Variants in IMPG1 observed in about 807,000 individuals in gnomAD.
IMPG1 encodes the protein interphotoreceptor matrix proteoglycan of 150 kDa.
Under a neutral mutation model 92.0 loss-of-function variants are expected in IMPG1, and 85 were observed. The ratio of observed to expected loss-of-function variants is 0.92; its 90% CI spans 0.78 to 1.11. The LOEUF is 1.11. Among genes scored for constraint, IMPG1 ranks in the 50% least tolerant of loss-of-function variants. The pLI, the probability that IMPG1 is intolerant of heterozygous loss-of-function variation, is 0.00. For synonymous variants in IMPG1, 367 were observed against 334.1 expected (o/e 1.10, Z -1.08); for missense variants, 1,022 against 956.0 (o/e 1.07, Z -0.91).
At chr6:76,065,056 A>C (rs1173946144) in intron 1 of IMPG1, among the ~76,000 whole-genome samples, 1 of 152,014 alleles carries the variant, frequency 6.6e-6, no homozygotes, top group Admixed American at 6.6e-5. Context: ...ATGTATATAC[A>C]ACATACATTA....
At position 75,988,450 on chromosome 6, in the gene IMPG1, C is replaced by G. The variant is rs539464513; in HGVS notation, c.1291+14468G>C. The stretch of plus-strand genomic sequence containing the variant: ...GAGAAGTGTCTGTTCATATCGTTTG[C>G]CTACTTTTTGATGGGGTTGTTTGAT... On this transcript the variant is annotated intron_variant, in intron 12 of 16. Transcript: ENST00000369950. Among the ~76,000 whole-genome samples, 275 of 152,212 alleles carry G rather than the reference C, an allele frequency of 1.8e-3. 2 individuals are homozygous for G. Among genetic ancestry groups the G allele is most frequent in the African/African-American group, 6.3e-3 (262 of 41,502 alleles).
intron 12 of IMPG1, among the ~76,000 whole-genome samples, chr6:75,973,613 G>A (rs1233300461): frequency 6.6e-6 from 1 of 152,152 alleles, no homozygotes; most frequent in African/African-American, 2.4e-5. Context: ...ACAGAGAAAG[G>A]TTAAGTAAAT....
intron 1 of IMPG1, among the ~76,000 whole-genome samples, chr6:76,056,169 T>G (rs575091576): frequency 6.6e-6 from 1 of 152,254 alleles, no homozygotes; most frequent in South Asian, 2.1e-4. Flanking sequence ...TAGGGTTGGC[T>G]TAATATTTGA....
At chr6:75,954,851 A>G (rs1275593827) in intron 12 of IMPG1, among the ~76,000 whole-genome samples, 2 of 152,226 alleles carry the variant, frequency 1.3e-5, no homozygotes, top group African/African-American at 4.8e-5. Flanking sequence ...TTTTCCCAAC[A>G]GCATTTATTA....
At chr6:76,018,257 G>A (rs1189084938) in intron 7 of IMPG1, among the ~76,000 whole-genome samples, 1 of 152,072 alleles carries the variant, frequency 6.6e-6, no homozygotes, top group African/African-American at 2.4e-5. Context: ...AACTAATAAT[G>A]AAATAGAACA....
At position 75,950,980 on chromosome 6, in the gene IMPG1, G is replaced by T; in HGVS notation, c.1406C>A (p.Ala469Asp). The T allele has an allele frequency of 6.2e-7, 1 of 1,613,888 alleles. No individual in the cohort carries two copies. Residue 469 changes from alanine (A) to aspartate (D), a missense_variant, in exon 13 of 17, where the codon GCC becomes GAC. Around this residue, in one of 3 missense-constraint regions of IMPG1, gnomAD observed 681 missense variants for 583.6 expected, o/e 1.17. Transcript: ENST00000369950. ...TGGTACTAGCATTGTCTGGTCAGTGGCCATTGTATCTGTGGTGCCTTGATC... is the reference window on the plus strand; with the variant it reads ...TGGTACTAGCATTGTCTGGTCAGTGTCCATTGTATCTGTGGTGCCTTGATC... ...LTDQGTTDTM[A>D]TDQTMLVPGL...
At chr6:76,064,190 T>G (rs1435344692) in intron 1 of IMPG1, among the ~76,000 whole-genome samples, 3 of 147,798 alleles carry the variant, frequency 2.0e-5, no homozygotes, top group African/African-American at 7.3e-5. Flanking sequence ...CTAGGGCTAT[T>G]GGGAATTACT....
At chr6:76,031,814 G>A (rs1302335214) in intron 4 of IMPG1, among the ~76,000 whole-genome samples, 2 of 152,138 alleles carry the variant, frequency 1.3e-5, no homozygotes, top group African/African-American at 4.8e-5. Context: ...TATTGCATTA[G>A]TTACAAGTCA....
intron 14 of IMPG1, among the ~76,000 whole-genome samples, chr6:75,943,932 A>G (rs1276155188): frequency 6.6e-6 from 1 of 152,336 alleles, no homozygotes; most frequent in African/African-American, 2.4e-5. Flanking sequence ...AATGAAAAAG[A>G]TGTAGTTTTG....
Position 75,930,844 on chromosome 6 carries a change from T to C in IMPG1, c.2243+109A>G. 3.8e-6 allele frequency: 4 copies of C among 1,040,164 alleles called. No homozygotes were observed. The South Asian group carries it at 6.0e-5, about 16-fold the overall frequency. The allele number at this position is 1,040,164 out of a possible 1,614,324, so 64.4% of individuals were successfully genotyped here. A position where few individuals can be genotyped will look rare whatever the true frequency, so the allele number is the denominator to read the frequency against. ...TGGGTGATTTCTACACTCACTAAAG[T>C]TTAAAAACCATGGGTTGAAAGGACC... On this transcript the variant is annotated intron_variant, in intron 15 of 16. Transcript: ENST00000369950.
At chr6:75,995,175 T>C (rs1301328153) in intron 12 of IMPG1, among the ~76,000 whole-genome samples, 1 of 152,148 alleles carries the variant, frequency 6.6e-6, no homozygotes, top group Non-Finnish European at 1.5e-5. Flanking sequence ...TCTATTCATC[T>C]CTCCTTCCAT....
chr6:76,033,873 G>A (rs1168597029), intron 4 of IMPG1, among the ~76,000 whole-genome samples: 1 of 151,912 alleles, frequency 6.6e-6, no homozygotes, highest in Non-Finnish European at 1.5e-5. Context: ...ATAACTTAGA[G>A]CTTTAGTAAT....
chr6:76,031,956 T>C (rs143857462), intron 4 of IMPG1, among the ~76,000 whole-genome samples: 11 of 152,356 alleles, frequency 7.2e-5, no homozygotes, highest in Non-Finnish European at 1.6e-4. Context: ...AGCTACTCAG[T>C]TCTTCCACTG....
chr6:76,047,694 G>A (rs1783970485), intron 1 of IMPG1, among the ~76,000 whole-genome samples: 1 of 152,124 alleles, frequency 6.6e-6, no homozygotes, highest in Admixed American at 6.6e-5. Flanking sequence ...GTGAATTAAT[G>A]AAAAATGTGT....
intron 2 of IMPG1, among the ~76,000 whole-genome samples, chr6:76,035,281 T>C (rs1382006384): frequency 1.3e-5 from 2 of 151,864 alleles, no homozygotes; most frequent in Non-Finnish European, 2.9e-5. Flanking sequence ...GGTGGGCGGA[T>C]CACCTGAGGT....
chr6:75,985,524 G>T (rs1305237281), intron 12 of IMPG1, among the ~76,000 whole-genome samples: 1 of 152,122 alleles, frequency 6.6e-6, no homozygotes, highest in Non-Finnish European at 1.5e-5. Flanking sequence ...CTGCTAAAAA[G>T]TATTTATATT....
rs149456245 is a variant in IMPG1 at position 76,057,117 on chromosome 6, G to A, written c.68-14991C>T. 2.3e-3 allele frequency among the ~76,000 whole-genome samples: 349 copies of A among 152,106 alleles called. 3 individuals carry two copies. Among genetic ancestry groups the A allele is most frequent in the African/African-American group, 7.2e-3 (299 of 41,502 alleles). The stretch of plus-strand genomic sequence containing the variant: ...TGATGAGAACACATGGATACATGTC[G>A]GGGAACAACACACATGGGGGGCTGT... On this transcript the variant is annotated intron_variant, in intron 1 of 16. Transcript: ENST00000369950.
intron 1 of IMPG1, among the ~76,000 whole-genome samples, chr6:76,070,798 A>G (rs1197585142): frequency 6.6e-6 from 1 of 151,882 alleles, no homozygotes; most frequent in East Asian, 1.9e-4. Flanking sequence ...GTGGAACAAT[A>G]GACACTGGGC....
chr6:75,962,326 G>A (rs555081072), intron 12 of IMPG1, among the ~76,000 whole-genome samples: 5 of 151,890 alleles, frequency 3.3e-5, no homozygotes, highest in Admixed American at 6.6e-5. Flanking sequence ...GGGGTCTCTC[G>A]ATGTTACCCA....
Sources: gnomAD v4.1 joint callset for allele counts (sites outside exome capture counted in the v4.1 genomes callset) on GRCh38, gnomAD v4.1.1 for gene constraint, gnomAD v4.1.1 regional missense constraint, MANE v1.5 for transcripts, NCBI Gene and HGNC (gene_info 2026-07-23, HGNC 2026-07-21) for gene names.